The following BABAM2 variants were observed in gnomAD, a reference collection of about 807,000 sequenced individuals.
BABAM2 encodes BRISC and BRCA1-A complex member 2.
BABAM2 carries 31 observed loss-of-function variants against 54.7 expected under a neutral mutation model. That is an observed-to-expected ratio of 0.57 (90% CI 0.43 to 0.77). BABAM2 has a LOEUF of 0.77. BABAM2 is among the 30% of genes least tolerant of loss of function. The probability of loss-of-function intolerance (pLI) is 0.00; values close to 1 mark genes in which losing one functional copy is unlikely to be tolerated. For synonymous variants in BABAM2, 167 were observed against 162.9 expected, an observed-to-expected ratio of 1.03 and a Z score of -0.19; for missense variants, 364 against 455.8, an observed-to-expected ratio of 0.80 and a Z score of 1.83.
At chr2:27,904,131 G>A (rs1487545137) in intron 2 of BABAM2, among the ~76,000 whole-genome samples, 1 of 152,222 alleles carries the variant, frequency 6.6e-6, no homozygotes. Context: ...AGGCGGGACA[G>A]AGTTGGAAGG....
chr2:28,298,894 A>T (rs937699063), intron 11 of BABAM2, among the ~76,000 whole-genome samples: 2 of 152,192 alleles, frequency 1.3e-5, no homozygotes, highest in Non-Finnish European at 2.9e-5. Flanking sequence ...TTTAGAGTAG[A>T]GGATAAATAC....
chr2:28,294,710 A>G (rs540078383), intron 10 of BABAM2, among the ~76,000 whole-genome samples: 94 of 152,380 alleles, frequency 6.2e-4, no homozygotes, highest in South Asian at 2.3e-3. Flanking sequence ...TATGCATAGA[A>G]CATTTTAAAA....
intron 3 of BABAM2, among the ~76,000 whole-genome samples, chr2:27,963,469 C>CAAAAAAAAAAAAAAAAAAA (rs760525051): frequency 1.8e-5 from 1 of 54,400 alleles, no homozygotes; most frequent in Non-Finnish European, 3.8e-5. Context: ...GACTCTTTCT[C>CAAAAAAAAAAAAAAAAAAA]AAAAAAAAAA....
intron 7 of BABAM2, among the ~76,000 whole-genome samples, chr2:28,206,637 C>G (rs1678875987): frequency 6.6e-6 from 1 of 152,166 alleles, no homozygotes; most frequent in Admixed American, 6.5e-5. Flanking sequence ...CGGCACATTC[C>G]TCTATCCAGA....
At chr2:28,264,029 T>A (rs1684766654) in intron 10 of BABAM2, among the ~76,000 whole-genome samples, 1 of 152,240 alleles carries the variant, frequency 6.6e-6, no homozygotes, top group Non-Finnish European at 1.5e-5. Context: ...TTCAAATTTT[T>A]AAATGCCAAC....
intron 6 of BABAM2, among the ~76,000 whole-genome samples, chr2:28,062,258 A>G (rs1262212329): frequency 9.6e-6 from 1 of 104,490 alleles, no homozygotes; most frequent in African/African-American, 3.5e-5. Flanking sequence ...AGTCCGTCTC[A>G]AAAAAAAAAA....
intron 4 of BABAM2, chr2:28,016,510 G>T (rs1367448217): frequency 4.4e-6 from 4 of 902,792 alleles, no homozygotes; most frequent in Non-Finnish European, 3.6e-6. Context: ...ACAGTCGCAC[G>T]CCGAGGGAAA....
At chr2:28,159,200 T>C (rs1672822114) in intron 7 of BABAM2, among the ~76,000 whole-genome samples, 1 of 152,246 alleles carries the variant, frequency 6.6e-6, no homozygotes, top group South Asian at 2.1e-4. Context: ...TCAGACAGTC[T>C]ACTGACACTT....
chr2:27,980,878 C>CA (rs1284267000), intron 3 of BABAM2, among the ~76,000 whole-genome samples: 23 of 151,760 alleles, frequency 1.5e-4, no homozygotes, highest in Non-Finnish European at 5.9e-5. Context: ...TTGTGTATTT[C>CA]AAAATAAAGA....
chr2:28,028,089 C>G (rs1184045385), intron 5 of BABAM2, among the ~76,000 whole-genome samples: 6 of 152,022 alleles, frequency 3.9e-5, no homozygotes. Context: ...TCTCAAGGCT[C>G]GACTGGAGAT....
At chr2:27,996,027 T>C (rs1673119439) in intron 4 of BABAM2, among the ~76,000 whole-genome samples, 1 of 152,252 alleles carries the variant, frequency 6.6e-6, no homozygotes, top group South Asian at 2.1e-4. Flanking sequence ...GTTAATTGTA[T>C]TTGTTTTCCA....
At chr2:28,266,184 G>A (rs927261182) in intron 10 of BABAM2, among the ~76,000 whole-genome samples, 5 of 152,150 alleles carry the variant, frequency 3.3e-5, no homozygotes, top group Admixed American at 3.3e-4. Context: ...ACGAGGTTTC[G>A]CCATGTTGGC....
intron 6 of BABAM2, among the ~76,000 whole-genome samples, chr2:28,074,224 C>G (rs545426489): frequency 1.8e-4 from 27 of 152,282 alleles, no homozygotes; most frequent in African/African-American, 6.3e-4. Context: ...TAGCTATTCT[C>G]TTACCCAGTG....
chr2:28,198,559 C>T (rs1440038456), intron 7 of BABAM2, among the ~76,000 whole-genome samples: 1 of 152,158 alleles, frequency 6.6e-6, no homozygotes, highest in Non-Finnish European at 1.5e-5. Context: ...GCATCATCTT[C>T]AATTGTTGGT....
intron 3 of BABAM2, among the ~76,000 whole-genome samples, chr2:27,973,423 A>T (rs576410423): frequency 1.3e-5 from 2 of 151,558 alleles, no homozygotes; most frequent in Admixed American, 6.6e-5. Flanking sequence ...ACTCTTCAGG[A>T]TGTAATCTTT....
intron 7 of BABAM2, among the ~76,000 whole-genome samples, chr2:28,181,579 G>C (rs1162589688): frequency 2.0e-5 from 3 of 152,044 alleles, no homozygotes; most frequent in African/African-American, 4.8e-5. Flanking sequence ...CCAGTACATA[G>C]AAATGATAAA....
intron 6 of BABAM2, among the ~76,000 whole-genome samples, chr2:28,062,728 T>C (rs1678996190): frequency 6.6e-6 from 1 of 152,234 alleles, no homozygotes; most frequent in Non-Finnish European, 1.5e-5. Context: ...TTGAAATCAA[T>C]CCTTCTTATA....
intron 7 of BABAM2, among the ~76,000 whole-genome samples, chr2:28,192,086 G>T (rs1676973772): frequency 6.6e-6 from 1 of 151,934 alleles, no homozygotes; most frequent in African/African-American, 2.4e-5. Flanking sequence ...CCAGGCTGGA[G>T]TGCAGTGGCA....
chr2:28,298,838 GT>G (rs1255616193), intron 11 of BABAM2, among the ~76,000 whole-genome samples: 3 of 151,586 alleles, frequency 2.0e-5, no homozygotes, highest in East Asian at 1.9e-4. Context: ...GACAGCTTTT[GT>G]TTTTTTTCAT....
Sources: allele counts gnomAD v4.1 joint callset (sites outside exome capture counted in the v4.1 genomes callset), GRCh38; gene constraint gnomAD v4.1.1; transcripts MANE v1.5; gene names NCBI Gene and HGNC (gene_info 2026-07-23, HGNC 2026-07-21).